The following GMDS variants were observed in gnomAD, a reference collection of about 807,000 sequenced individuals.
The protein encoded by GMDS is GDP-mannose 4,6 dehydratase.
A neutral mutation model predicts 49.9 loss-of-function variants in GMDS; 20 were observed. The ratio of observed to expected loss-of-function variants is 0.40; its 90% CI spans 0.28 to 0.58. GMDS has a LOEUF of 0.58. Ranked by LOEUF, GMDS falls within the 20% of genes least tolerant of loss-of-function variation. The pLI is 0.42. For missense variants in GMDS, 362 were observed against 481.4 expected, an observed-to-expected ratio of 0.75 and a Z score of 2.32; for synonymous variants, 177 against 178.6, an observed-to-expected ratio of 0.99 and a Z score of 0.07.
chr6:2,082,215 G>A (rs2127469121), intron 4 of GMDS, among the ~76,000 whole-genome samples: 1 of 152,224 alleles, frequency 6.6e-6, no homozygotes, highest in Middle Eastern at 3.4e-3. Flanking sequence ...CAAAATCCAT[G>A]GACTTTTCAA....
At chr6:2,226,627 A>AT (rs1035900414) in intron 1 of GMDS, among the ~76,000 whole-genome samples, 2 of 152,196 alleles carry the variant, frequency 1.3e-5, no homozygotes, top group African/African-American at 4.8e-5. Context: ...CATCACAGGA[A>AT]TTTTTTTAAG....
chr6:1,740,557 A>G (rs1383400061), intron 8 of GMDS, among the ~76,000 whole-genome samples: 1 of 138,786 alleles, frequency 7.2e-6, no homozygotes, highest in Non-Finnish European at 1.6e-5. Flanking sequence ...ACTCCGTCTC[A>G]AAAAAAAAAA....
chr6:1,896,726 A>T (rs1760214705), intron 7 of GMDS, among the ~76,000 whole-genome samples: 1 of 152,212 alleles, frequency 6.6e-6, no homozygotes, highest in Admixed American at 6.5e-5. Flanking sequence ...CATGGGCAGG[A>T]TTACCTTCTG....
intron 1 of GMDS, among the ~76,000 whole-genome samples, chr6:2,241,824 C>G (rs1781628933): frequency 6.6e-6 from 1 of 152,176 alleles, no homozygotes; most frequent in Admixed American, 6.5e-5. Context: ...AATTACCCAG[C>G]CTCAGGTATT....
At chr6:2,078,370 T>A (rs1266624182) in intron 4 of GMDS, among the ~76,000 whole-genome samples, 1 of 152,128 alleles carries the variant, frequency 6.6e-6, no homozygotes, top group Non-Finnish European at 1.5e-5. Flanking sequence ...TTAGATTGTT[T>A]ATTTAAACTC....
At chr6:2,028,399 T>C (rs1768736371) in intron 4 of GMDS, among the ~76,000 whole-genome samples, 1 of 152,264 alleles carries the variant, frequency 6.6e-6, no homozygotes, top group African/African-American at 2.4e-5. Flanking sequence ...TCAATTTGAC[T>C]GGACTTTCAT....
At chr6:2,156,228 G>C (rs1341029283) in intron 1 of GMDS, among the ~76,000 whole-genome samples, 1 of 152,008 alleles carries the variant, frequency 6.6e-6, no homozygotes, top group Non-Finnish European at 1.5e-5. Context: ...TTTGTATGTT[G>C]CATGTCATAA....
At chr6:1,922,940 T>C (rs1034497928) in intron 7 of GMDS, among the ~76,000 whole-genome samples, 10 of 152,188 alleles carry the variant, frequency 6.6e-5, no homozygotes, top group African/African-American at 2.4e-4. Flanking sequence ...TGGTGGGAGA[T>C]AACTGAATCA....
At chr6:2,070,292 T>G in intron 4 of GMDS, among the ~76,000 whole-genome samples, 1 of 135,188 alleles carries the variant, frequency 7.4e-6, no homozygotes, top group Admixed American at 7.3e-5. Flanking sequence ...GGGGGAGGGA[T>G]AGCATTGGGA....
intron 4 of GMDS, among the ~76,000 whole-genome samples, chr6:1,978,857 T>C (rs1482558123): frequency 6.6e-6 from 1 of 152,068 alleles, no homozygotes; most frequent in African/African-American, 2.4e-5. Context: ...AGGCCAGCAA[T>C]AGGTCAGTAC....
At chr6:2,066,029 A>G (rs1274492169) in intron 4 of GMDS, among the ~76,000 whole-genome samples, 1 of 152,240 alleles carries the variant, frequency 6.6e-6, no homozygotes, top group African/African-American at 2.4e-5. Flanking sequence ...GAGAAAGGTC[A>G]GGTTACCCTC....
intron 1 of GMDS, among the ~76,000 whole-genome samples, chr6:2,169,903 T>A (rs1777871432): frequency 6.6e-6 from 1 of 152,034 alleles, no homozygotes; most frequent in Non-Finnish European, 1.5e-5. Flanking sequence ...TATCTGGTGG[T>A]ATATTAGAAA....
rs532003738 is a variant in GMDS, at chr6:2,040,101, C to T, written c.345+75670G>A. 3.3e-5 allele frequency among the ~76,000 whole-genome samples: 5 copies of T among 152,192 alleles called. No individual in the cohort carries two copies. In the South Asian group the frequency reaches 6.2e-4, roughly 19 times the overall value. Reference sequence around the variant, plus strand: ...ATCCAGTCCTTCATTGACCAAAATGCGGTTATGCAGCACATAACTGTACTT... The same window carrying T: ...ATCCAGTCCTTCATTGACCAAAATGTGGTTATGCAGCACATAACTGTACTT... On this transcript the variant is annotated intron_variant, in intron 4 of 10. Transcript: ENST00000380815.
At chr6:2,125,095 C>A (rs1775346664) in intron 1 of GMDS, among the ~76,000 whole-genome samples, 1 of 152,084 alleles carries the variant, frequency 6.6e-6, no homozygotes, top group African/African-American at 2.4e-5. Flanking sequence ...GCCTTGGTGT[C>A]ATAGCAACAT....
chr6:2,183,890 G>A (rs1488966291), intron 1 of GMDS, among the ~76,000 whole-genome samples: 1 of 152,182 alleles, frequency 6.6e-6, no homozygotes, highest in African/African-American at 2.4e-5. Flanking sequence ...TTTAGCATAA[G>A]ATATACTTTA....
At chr6:1,932,781 A>T (rs1581383256) in intron 6 of GMDS, among the ~76,000 whole-genome samples, 2 of 151,950 alleles carry the variant, frequency 1.3e-5, no homozygotes, top group South Asian at 4.1e-4. Flanking sequence ...CTCGTGATCC[A>T]CCTGCCTTGG....
chr6:1,854,912 T>A (rs1397661147), intron 7 of GMDS, among the ~76,000 whole-genome samples: 1 of 152,218 alleles, frequency 6.6e-6, no homozygotes, highest in Non-Finnish European at 1.5e-5. Flanking sequence ...AGATGAGAAA[T>A]AAGCCATTCT....
intron 4 of GMDS, among the ~76,000 whole-genome samples, chr6:2,069,946 C>A (rs1000506250): frequency 2.6e-5 from 4 of 152,002 alleles, no homozygotes; most frequent in African/African-American, 9.7e-5. Flanking sequence ...ATAAATCATG[C>A]TGCTATAAAG....
intron 2 of GMDS, among the ~76,000 whole-genome samples, chr6:2,119,397 A>G (rs1451056648): frequency 1.3e-5 from 2 of 152,016 alleles, no homozygotes; most frequent in Non-Finnish European, 2.9e-5. Flanking sequence ...CTTTTTTTTT[A>G]AATCAAGTGT....
Sources: allele counts gnomAD v4.1 joint callset (sites outside exome capture counted in the v4.1 genomes callset), GRCh38; gene constraint gnomAD v4.1.1; transcripts MANE v1.5; gene names NCBI Gene and HGNC (gene_info 2026-07-23, HGNC 2026-07-21).